The following ST3GAL3 variants were observed in gnomAD, a reference collection of about 807,000 sequenced individuals.
ST3GAL3 encodes the protein CMP-N-acetylneuraminate-beta-1,4-galactoside alpha-2,3-sialyltransferase.
ST3GAL3 carries 21 observed loss-of-function variants against 50.1 expected under a neutral mutation model. The ratio of observed to expected loss-of-function variants is 0.42; its 90% CI spans 0.30 to 0.60. The LOEUF (loss-of-function observed/expected upper bound fraction) is 0.60. Among genes scored for constraint, ST3GAL3 ranks in the 20% least tolerant of loss-of-function variants. The pLI is 0.19. For missense variants in ST3GAL3, 353 were observed against 489.4 expected (o/e 0.72, Z 2.63); for synonymous variants, 183 against 190.0 (o/e 0.96, Z 0.30).
intron 2 of ST3GAL3, among the ~76,000 whole-genome samples, chr1:43,777,972 G>A (rs937064971): frequency 3.3e-5 from 5 of 152,270 alleles, no homozygotes; most frequent in African/African-American, 1.2e-4. Context: ...AGAGATACAT[G>A]CACTCATACG....
chr1:43,791,585 A>C (rs546019398), intron 2 of ST3GAL3, among the ~76,000 whole-genome samples: 1 of 152,236 alleles, frequency 6.6e-6, no homozygotes, highest in East Asian at 1.9e-4. Context: ...CATTTCCCCA[A>C]CTATATAGTC....
In ST3GAL3 at chr1:43,899,222, G is replaced by A. The variant is rs754735171; in HGVS notation, c.516G>A (p.Lys172=). 33 of 1,614,108 alleles carry A rather than the reference G, an allele frequency of 2.0e-5. No homozygotes were observed. Among genetic ancestry groups the A allele is most frequent in the Non-Finnish European group, 3.4e-6 (4 of 1,180,042 alleles). The change falls in exon 8 of 12, where the codon AAG becomes AAA. Residue 172 remains lysine (K), a synonymous_variant. Coordinates refer to ENST00000347631, the MANE Select transcript of ST3GAL3 (RefSeq NM_006279.5). This position sits in a 1 kb window ranked among gnomAD's most constrained non-coding sequence, Gnocchi z 5.4. Reference sequence around the variant, plus strand: ...GCAATGGAGGCGTTCTTGCCAACAAGTCTCTGGGGTCACGAATTGACGACT... The same window carrying A: ...GCAATGGAGGCGTTCTTGCCAACAAATCTCTGGGGTCACGAATTGACGACT... ...IVGNGGVLAN[K]SLGSRIDDYD...
chr1:43,890,739 C>T (rs2154264247), intron 5 of ST3GAL3, among the ~76,000 whole-genome samples: 2 of 151,996 alleles, frequency 1.3e-5, no homozygotes, highest in South Asian at 4.2e-4. Flanking sequence ...GAGAACTTAG[C>T]TGGGTATGGG....
chr1:43,887,108 A>C (rs2076095293), intron 5 of ST3GAL3, among the ~76,000 whole-genome samples: 1 of 152,168 alleles, frequency 6.6e-6, no homozygotes. Flanking sequence ...GCTTAAAGAG[A>C]GTTGGAAAAG....
intron 9 of ST3GAL3, among the ~76,000 whole-genome samples, chr1:43,909,491 G>A (rs1207223059): frequency 6.6e-6 from 1 of 152,154 alleles, no homozygotes. Flanking sequence ...TCTTCTTTTT[G>A]TTCATCGCTT....
intron 5 of ST3GAL3, among the ~76,000 whole-genome samples, chr1:43,868,188 G>A (rs1220093867): frequency 6.6e-6 from 1 of 152,224 alleles, no homozygotes; most frequent in Non-Finnish European, 1.5e-5. Context: ...CGTGAAAAAT[G>A]TCAGACTGTA....
intron 2 of ST3GAL3, among the ~76,000 whole-genome samples, chr1:43,762,050 G>C (rs1318387018): frequency 6.7e-6 from 1 of 150,164 alleles, no homozygotes. Flanking sequence ...AGGTTCACTT[G>C]AGCCCAGAAG....
At chr1:43,905,585 C>T (rs1273195175) in intron 9 of ST3GAL3, among the ~76,000 whole-genome samples, 3 of 41,854 alleles carry the variant, frequency 7.2e-5, no homozygotes, top group East Asian at 5.3e-4. Flanking sequence ...CCTCCTCCTG[C>T]TTCTCTTCCC....
chr1:43,783,975 A>G (rs889217069), intron 2 of ST3GAL3, among the ~76,000 whole-genome samples: 1 of 152,166 alleles, frequency 6.6e-6, no homozygotes, highest in Non-Finnish European at 1.5e-5. Flanking sequence ...AATAGATTGT[A>G]TGGACTGGTT....
In ST3GAL3 at chr1:43,756,998, G is replaced by A. The variant is rs1015760384; in HGVS notation, c.118+20618G>A. On this transcript the variant is annotated intron_variant, in intron 2 of 11. Transcript: ENST00000347631. ...CAGCTCACTGCAACCTCTGCCTCCC[G>A]GTTCAAGTGATTCTCCTGGCTCAGC... 6.6e-5 allele frequency among the ~76,000 whole-genome samples: 10 copies of A among 152,026 alleles called. No individual in the cohort carries two copies. The South Asian group carries it at 1.2e-3, about 19-fold the overall frequency.
intron 5 of ST3GAL3, among the ~76,000 whole-genome samples, chr1:43,846,255 C>T (rs2066238326): frequency 6.6e-6 from 1 of 152,080 alleles, no homozygotes; most frequent in African/African-American, 2.4e-5. Context: ...GTTTTTATTT[C>T]ATTTGTTTTG....
intron 5 of ST3GAL3, chr1:43,894,097 T>C: frequency 2.2e-6 from 1 of 456,090 alleles, no homozygotes; most frequent in Non-Finnish European, 4.1e-6. Flanking sequence ...CCAGAGAGCT[T>C]CCAGCTCTGA....
chr1:43,712,005 C>G (rs1388249014), intron 1 of ST3GAL3, among the ~76,000 whole-genome samples: 2 of 152,144 alleles, frequency 1.3e-5, no homozygotes, highest in South Asian at 2.1e-4. Flanking sequence ...ACAATAGAAA[C>G]AGTGCTGGTT....
At position 43,930,416 on chromosome 1, in the gene ST3GAL3, G is replaced by A. The variant is rs2084868111; in HGVS notation, c.*195G>A. On this transcript the variant is annotated 3_prime_UTR_variant, in exon 12 of 12. Transcript: ENST00000347631. ...ACCAGCACTCAGCCTCATTCAGCAT[G>A]GGTCCTTGATGCCAGAGGGCCAGCA... The A allele has an allele frequency of 1.6e-6, 1 of 642,510 alleles. No homozygotes were observed. The highest frequency in any genetic ancestry group is 2.8e-6 in the Non-Finnish European group (1 of 355,706). The allele number at this position is 642,510 out of a possible 1,614,324, so 39.8% of individuals were successfully genotyped here.
intron 2 of ST3GAL3, among the ~76,000 whole-genome samples, chr1:43,764,929 G>A (rs1691995110): frequency 6.6e-6 from 1 of 152,212 alleles, no homozygotes; most frequent in African/African-American, 2.4e-5. Flanking sequence ...TCTCCTGAAA[G>A]GGCTGGTAGA....
At chr1:43,841,911 G>T (rs562975697) in intron 5 of ST3GAL3, 1 of 152,214 alleles carries the variant, frequency 6.6e-6, no homozygotes, top group South Asian at 2.1e-4. Context: ...ACCTGTATCT[G>T]AGTGTAAGCT....
chr1:43,918,338 G>C (rs1040973204), intron 9 of ST3GAL3, among the ~76,000 whole-genome samples: 1 of 151,252 alleles, frequency 6.6e-6, no homozygotes, highest in African/African-American at 2.4e-5. Context: ...AGCTGTTCTT[G>C]AACTCCTGGG....
At chr1:43,878,877 A>G in intron 5 of ST3GAL3, 2 of 345,284 alleles carry the variant, frequency 5.8e-6, no homozygotes, top group Non-Finnish European at 1.1e-5. Flanking sequence ...GCTAGGCACA[A>G]TTCTAAGTAC....
At chr1:43,721,844 G>A (rs1670642125) in intron 1 of ST3GAL3, among the ~76,000 whole-genome samples, 1 of 152,050 alleles carries the variant, frequency 6.6e-6, no homozygotes, top group South Asian at 2.1e-4. Flanking sequence ...AAGGTGATCT[G>A]CCTGCCTTGG....
Sources: allele counts gnomAD v4.1 joint callset (sites outside exome capture counted in the v4.1 genomes callset), GRCh38; gene constraint gnomAD v4.1.1; non-coding constraint Gnocchi (gnomAD v3.1); transcripts MANE v1.5; gene names NCBI Gene and HGNC (gene_info 2026-07-23, HGNC 2026-07-21).